The following CNTNAP2 variants were observed in gnomAD, a reference collection of about 807,000 sequenced individuals.
The protein encoded by CNTNAP2 is contactin associated protein 2.
CNTNAP2 carries 98 observed loss-of-function variants against 155.2 expected under a neutral mutation model. The observed-to-expected ratio is 0.63, with a 90% CI of 0.54 to 0.75. The LOEUF (loss-of-function observed/expected upper bound fraction) is 0.75. Ranked by LOEUF, CNTNAP2 falls within the 30% of genes least tolerant of loss-of-function variation. The pLI, the probability that CNTNAP2 is intolerant of heterozygous loss-of-function variation, is 0.00. For synonymous variants in CNTNAP2, 651 were observed against 631.2 expected (o/e 1.03, Z -0.47); for missense variants, 1,727 against 1,688.1 (o/e 1.02, Z -0.40).
chr7:147,937,317 C>T (rs1800629272), intron 14 of CNTNAP2, among the ~76,000 whole-genome samples: 1 of 152,170 alleles, frequency 6.6e-6, no homozygotes, highest in Non-Finnish European at 1.5e-5. Context: ...AATTGCCTTT[C>T]CCAGCTTCCC....
chr7:146,259,885 G>A (rs895994779), intron 1 of CNTNAP2, among the ~76,000 whole-genome samples: 11 of 152,340 alleles, frequency 7.2e-5, no homozygotes, highest in African/African-American at 2.6e-4. Context: ...CCAAGAGAAT[G>A]AGGAAAATGT....
chr7:146,316,876 C>T (rs976498212), intron 1 of CNTNAP2, among the ~76,000 whole-genome samples: 21 of 152,054 alleles, frequency 1.4e-4, no homozygotes, highest in African/African-American at 5.1e-4. Context: ...TTCTCACCCA[C>T]CTACGGGAGG....
At chr7:147,557,335 A>G (rs34258835) in intron 11 of CNTNAP2, among the ~76,000 whole-genome samples, 36,771 of 152,168 alleles carry the variant, frequency 0.24, 5,317 homozygotes, top group Non-Finnish European at 0.33. Flanking sequence ...TCAATCTGAT[A>G]TGTTCAGTAG....
chr7:147,426,811 A>C (rs1797384432), intron 10 of CNTNAP2, among the ~76,000 whole-genome samples: 1 of 152,050 alleles, frequency 6.6e-6, no homozygotes, highest in Non-Finnish European at 1.5e-5. Context: ...TTAGGGAATA[A>C]ATTAGTTTTT....
At chr7:148,021,846 C>T (rs998472357) in intron 15 of CNTNAP2, among the ~76,000 whole-genome samples, 1 of 152,276 alleles carries the variant, frequency 6.6e-6, no homozygotes, top group South Asian at 2.1e-4. Flanking sequence ...GAGTCAGTGG[C>T]GGAGGCCGGG....
chr7:147,114,470 C>G (rs1414819609), intron 5 of CNTNAP2, among the ~76,000 whole-genome samples: 1 of 152,166 alleles, frequency 6.6e-6, no homozygotes, highest in Non-Finnish European at 1.5e-5. Context: ...TCTCTAAGAA[C>G]TTGCTTTATG....
intron 16 of CNTNAP2, among the ~76,000 whole-genome samples, chr7:148,124,444 C>T (rs1016260943): frequency 2.0e-5 from 3 of 152,112 alleles, no homozygotes; most frequent in Admixed American, 2.0e-4. Context: ...GCTCTAGATC[C>T]TTTTTCTGAC....
chr7:146,722,326 C>G (rs1180104018), intron 1 of CNTNAP2, among the ~76,000 whole-genome samples: 1 of 152,066 alleles, frequency 6.6e-6, no homozygotes, highest in Non-Finnish European at 1.5e-5. Flanking sequence ...ATGGGTAGGG[C>G]TTGGCCTAGG....
At chr7:147,428,271 T>G (rs1325876180) in intron 10 of CNTNAP2, among the ~76,000 whole-genome samples, 1 of 152,166 alleles carries the variant, frequency 6.6e-6, no homozygotes, top group South Asian at 2.1e-4. Flanking sequence ...CCTTATAACC[T>G]ACTCAATAAA....
chr7:146,378,758 A>G (rs1413605333), intron 1 of CNTNAP2, among the ~76,000 whole-genome samples: 1 of 152,212 alleles, frequency 6.6e-6, no homozygotes, highest in African/African-American at 2.4e-5. Context: ...CATCTAAACA[A>G]TGTGAAACAC....
intron 1 of CNTNAP2, among the ~76,000 whole-genome samples, chr7:146,360,021 CAT>C (rs1182572055): frequency 6.6e-6 from 1 of 152,178 alleles, no homozygotes; most frequent in Non-Finnish European, 1.5e-5. Flanking sequence ...AACTTCTTAA[CAT>C]AAAATAAAGT....
In CNTNAP2 at chr7:146,684,639, C is replaced by CAAAAAAAAAAA. The variant is rs3080477; in HGVS notation, c.98-89622_98-89612dup. Among the ~76,000 whole-genome samples the CAAAAAAAAAAA allele has an allele frequency of 3.4e-3, 218 of 63,468 alleles. 40 individuals are homozygous for CAAAAAAAAAAA. Among genetic ancestry groups the CAAAAAAAAAAA allele is most frequent in the Non-Finnish European group, 4.6e-3 (163 of 35,778 alleles). The allele number at this position is 63,468 out of a possible 152,430, so 41.6% of individuals were successfully genotyped here. Reference sequence around the variant, plus strand: ...GCTTCGAGCAATAATAGATCCAGCGCAAAAAAAAAAAAAAAAAAAAGCTGG... The same window carrying CAAAAAAAAAAA: ...GCTTCGAGCAATAATAGATCCAGCGCAAAAAAAAAAAAAAAAAAAAAAAAAAAAAAAGCTGG... On this transcript the variant is annotated intron_variant, in intron 1 of 23. Transcript: ENST00000361727.
In CNTNAP2 at chr7:146,440,656, A is replaced by G. The variant is rs141566186; in HGVS notation, c.97+323683A>G. On this transcript the variant is annotated intron_variant, in intron 1 of 23. Coordinates refer to ENST00000361727, the MANE Select transcript of CNTNAP2 (RefSeq NM_014141.6). The stretch of plus-strand genomic sequence containing the variant: ...CCACCAAAACAATGCATCTGCGTAA[A>G]TATTTCACAATTTTCCATTGTTTTA... 2.6e-3 allele frequency among the ~76,000 whole-genome samples: 399 copies of G among 151,660 alleles called. 27 individuals carry two copies. Among genetic ancestry groups the G allele is most frequent in the African/African-American group, 9.2e-3 (378 of 40,962 alleles).
At chr7:147,900,555 T>A (rs1468089539) in intron 13 of CNTNAP2, among the ~76,000 whole-genome samples, 1 of 152,234 alleles carries the variant, frequency 6.6e-6, no homozygotes, top group Non-Finnish European at 1.5e-5. Context: ...AGACCCAGTC[T>A]TGGATCATTC....
chr7:147,886,475 CAAAAAAAAAAAA>C (rs532837902), intron 13 of CNTNAP2, among the ~76,000 whole-genome samples: 20 of 39,736 alleles, frequency 5.0e-4, no homozygotes, highest in East Asian at 1.4e-3. Flanking sequence ...AACTCCATCT[CAAAAAAAAAAAA>C]AAAAAAAAAA....
chr7:146,487,057 T>G (rs1797068483), intron 1 of CNTNAP2, among the ~76,000 whole-genome samples: 1 of 152,202 alleles, frequency 6.6e-6, no homozygotes, highest in Non-Finnish European at 1.5e-5. Context: ...GAATAATAGT[T>G]TTCTTTAGAG....
rs59877913 is a variant in CNTNAP2 at position 147,104,218 on chromosome 7, A to G, written c.551-3929A>G. ...TTTCTCTAAATCTAAAATTTTTCCA[A>G]AATAAAAAGTTTGTGAAAATAAAAA... On this transcript the variant is annotated intron_variant, in intron 4 of 23. Transcript: ENST00000361727. Among the ~76,000 whole-genome samples the G allele has an allele frequency of 4.7e-3, 718 of 152,136 alleles. 6 individuals are homozygous for G. Among genetic ancestry groups the G allele is most frequent in the African/African-American group, 0.017 (697 of 41,542 alleles).
At chr7:148,058,021 G>A (rs980297759) in intron 15 of CNTNAP2, among the ~76,000 whole-genome samples, 1 of 150,250 alleles carries the variant, frequency 6.7e-6, no homozygotes, top group Non-Finnish European at 1.5e-5. Context: ...GTGAACTGAG[G>A]TCCCAAGTTT....
At chr7:147,588,676 T>C (rs1800679688) in intron 12 of CNTNAP2, among the ~76,000 whole-genome samples, 1 of 152,120 alleles carries the variant, frequency 6.6e-6, no homozygotes, top group African/African-American at 2.4e-5. Context: ...CAGGCAACAT[T>C]GAGGGGACAG....
Sources: allele counts gnomAD v4.1 joint callset (sites outside exome capture counted in the v4.1 genomes callset), GRCh38; gene constraint gnomAD v4.1.1; transcripts MANE v1.5; gene names NCBI Gene and HGNC (gene_info 2026-07-23, HGNC 2026-07-21).